Variants in IL1RAPL1 observed in about 807,000 individuals in gnomAD.
IL1RAPL1 encodes the protein interleukin-1 receptor accessory protein-like 1.
A neutral mutation model predicts 48.4 loss-of-function variants in IL1RAPL1; 3 were observed. The ratio of observed to expected loss-of-function variants is 0.06; its 90% CI spans 0.03 to 0.16. IL1RAPL1 has a LOEUF of 0.16. IL1RAPL1 is among the 10% of genes least tolerant of loss of function. The pLI, the probability that IL1RAPL1 is intolerant of heterozygous loss-of-function variation, is 1.00. For missense variants in IL1RAPL1, 349 were observed against 530.6 expected, an observed-to-expected ratio of 0.66 and a Z score of 3.36; for synonymous variants, 185 against 187.7, an observed-to-expected ratio of 0.99 and a Z score of 0.12.
intron 6 of IL1RAPL1, among the ~76,000 whole-genome samples, chrX:29,721,737 G>A (rs1259987437): frequency 9.0e-6 from 1 of 111,565 alleles, no homozygotes; most frequent in Non-Finnish European, 1.9e-5. Context: ...TATCTCATAT[G>A]CACATACTCA....
chrX:29,650,900 A>T (rs1925497418), intron 5 of IL1RAPL1, among the ~76,000 whole-genome samples: 1 of 111,491 alleles, frequency 9.0e-6, no homozygotes, highest in African/African-American at 3.3e-5. Context: ...AATATACAAA[A>T]TATATAAGGA....
At chrX:29,909,431 A>AAAAC (rs911076118) in intron 6 of IL1RAPL1, among the ~76,000 whole-genome samples, 5 of 110,944 alleles carry the variant, frequency 4.5e-5, no homozygotes, top group Admixed American at 9.7e-5. Flanking sequence ...ACCCTATCTC[A>AAAAC]AAACAAACAA....
intron 2 of IL1RAPL1, among the ~76,000 whole-genome samples, chrX:29,080,964 CTT>C (rs1569232691): frequency 3.6e-4 from 15 of 41,538 alleles, no homozygotes; most frequent in African/African-American, 1.7e-3. Context: ...TTCTTTCTTT[CTT>C]TCTTTCTTTC....
chrX:29,801,080 A>AAAAC (rs1929891087), intron 6 of IL1RAPL1, among the ~76,000 whole-genome samples: 1 of 87,096 alleles, frequency 1.1e-5, no homozygotes, highest in Non-Finnish European at 2.1e-5. Flanking sequence ...AAAAAAAAAA[A>AAAAC]CTCATCTTTT....
At chrX:29,911,977 C>G (rs912738761) in intron 6 of IL1RAPL1, among the ~76,000 whole-genome samples, 9 of 112,087 alleles carry the variant, frequency 8.0e-5, no homozygotes, top group Admixed American at 2.8e-4. Context: ...CATACGGATA[C>G]TATAGCTGTA....
chrX:28,774,326 C>T (rs768920463), intron 1 of IL1RAPL1, among the ~76,000 whole-genome samples: 2 of 111,586 alleles, frequency 1.8e-5, no homozygotes, highest in Non-Finnish European at 3.8e-5. Flanking sequence ...GTCTTAATAA[C>T]ATCTATTATA....
At chrX:28,981,936 G>A (rs933329534) in intron 2 of IL1RAPL1, among the ~76,000 whole-genome samples, 1 of 111,175 alleles carries the variant, frequency 9.0e-6, no homozygotes, top group African/African-American at 3.3e-5. Context: ...GCTGCTTTTG[G>A]GTTTGCATCT....
intron 6 of IL1RAPL1, among the ~76,000 whole-genome samples, chrX:29,755,485 C>T (rs1176449799): frequency 9.0e-6 from 1 of 111,727 alleles, no homozygotes; most frequent in African/African-American, 3.3e-5. Flanking sequence ...AAGTTGGTTA[C>T]TCCTTTCTTC....
chrX:29,323,800 C>A (rs1932826191), intron 3 of IL1RAPL1, among the ~76,000 whole-genome samples: 1 of 69,134 alleles, frequency 1.4e-5, no homozygotes, highest in African/African-American at 5.7e-5. Flanking sequence ...TCTTCTTTAG[C>A]ACAATATCCT....
intron 1 of IL1RAPL1, among the ~76,000 whole-genome samples, chrX:28,606,046 T>C (rs952908597): frequency 9.0e-6 from 1 of 111,647 alleles, no homozygotes; most frequent in Non-Finnish European, 1.9e-5. Flanking sequence ...TTCTACTTTC[T>C]AATTCTTTTA....
At chrX:29,326,998 T>C (rs1932846742) in intron 3 of IL1RAPL1, among the ~76,000 whole-genome samples, 1 of 112,029 alleles carries the variant, frequency 8.9e-6, no homozygotes, top group Non-Finnish European at 1.9e-5. Context: ...TAATCTGAAT[T>C]GGCTGTCTTT....
chrX:29,427,544 C>T (rs1934365297), intron 5 of IL1RAPL1, among the ~76,000 whole-genome samples: 2 of 111,481 alleles, frequency 1.8e-5, no homozygotes, highest in Admixed American at 1.9e-4. Flanking sequence ...GGGAATCAAA[C>T]CATAGGGATG....
chrX:29,196,232 C>T lies in IL1RAPL1; in HGVS notation c.83-86706C>T, dbSNP rs146183532. On this transcript the variant is annotated intron_variant, in intron 2 of 10. Transcript: ENST00000378993. ...GAAGCACTTACAACTAATGAGCCTG[C>T]ACATCTTGAGTGAGCTACCTAGAGA... 5.4e-3 allele frequency among the ~76,000 whole-genome samples: 608 copies of T among 112,187 alleles called. 1 individual carries two copies. The highest frequency in any genetic ancestry group is 7.7e-3 in the Non-Finnish European group (413 of 53,305).
intron 5 of IL1RAPL1, among the ~76,000 whole-genome samples, chrX:29,481,904 C>T (rs946702304): frequency 4.5e-5 from 5 of 111,525 alleles, no homozygotes; most frequent in African/African-American, 1.6e-4. Flanking sequence ...CAAATTGACT[C>T]ACAAAAGGCT....
rs200402677 is a variant in IL1RAPL1, at chrX:29,376,373, G to GTT, written c.363-19882_363-19881dup. On this transcript the variant is annotated intron_variant, in intron 3 of 10. Transcript: ENST00000378993. Reference sequence around the variant, plus strand: ...TGTCTAATTTTTGTGTATTTGTATAGTTTTATTTTTTTTTTTAGAAAGTGT... The same window carrying GTT: ...TGTCTAATTTTTGTGTATTTGTATAGTTTTTTATTTTTTTTTTTAGAAAGTGT... 6.6e-5 allele frequency among the ~76,000 whole-genome samples: 7 copies of GTT among 106,343 alleles called. 1 individual carries two copies. Among genetic ancestry groups the GTT allele is most frequent in the Non-Finnish European group, 7.8e-5 (4 of 50,978 alleles). 92.3% of individuals were successfully genotyped at this position (106,343 alleles called of 115,157 possible).
At position 28,642,150 on chromosome X, in the gene IL1RAPL1, A is replaced by G. The variant is rs140600316; in HGVS notation, c.-25+54103A>G. 8.2e-3 allele frequency among the ~76,000 whole-genome samples: 919 copies of G among 111,615 alleles called. 11 individuals are homozygous for G. The highest frequency in any genetic ancestry group is 0.028 in the African/African-American group (869 of 30,671). On this transcript the variant is annotated intron_variant, in intron 1 of 10. Transcript: ENST00000378993. ...ATATGCACCCGATACAGGAGCACCC[A>G]GATTCATAAAGCAAGTTCTTAGAGA...
chrX:29,643,283 G>A (rs1429710450), intron 5 of IL1RAPL1, among the ~76,000 whole-genome samples: 2 of 111,176 alleles, frequency 1.8e-5, no homozygotes, highest in Non-Finnish European at 3.8e-5. Flanking sequence ...CTTCTAATGG[G>A]GCCTGGAGCA....
At chrX:28,588,420 G>C (rs750194357) in intron 1 of IL1RAPL1, among the ~76,000 whole-genome samples, 3 of 111,731 alleles carry the variant, frequency 2.7e-5, no homozygotes, top group Non-Finnish European at 5.6e-5. Flanking sequence ...CGTTCTGGAA[G>C]GGGTAGCAGC....
At chrX:29,907,279 GTTTT>G (rs1221619382) in intron 6 of IL1RAPL1, among the ~76,000 whole-genome samples, 1 of 110,955 alleles carries the variant, frequency 9.0e-6, no homozygotes, top group Non-Finnish European at 1.9e-5. Flanking sequence ...TAATCATTCT[GTTTT>G]TTCTTTGTAT....
Sources: gnomAD v4.1 joint callset for allele counts (sites outside exome capture counted in the v4.1 genomes callset) on GRCh38, gnomAD v4.1.1 for gene constraint, MANE v1.5 for transcripts, NCBI Gene and HGNC (gene_info 2026-07-23, HGNC 2026-07-21) for gene names.